The following CTNNA2 variants were observed in gnomAD, a reference collection of about 807,000 sequenced individuals.
CTNNA2 encodes the protein catenin alpha 2.
CTNNA2 carries 42 observed loss-of-function variants against 101.0 expected under a neutral mutation model. The observed-to-expected ratio is 0.42, with a 90% CI of 0.32 to 0.54. The LOEUF is 0.54. Ranked by LOEUF, CTNNA2 falls within the 20% of genes least tolerant of loss-of-function variation. The probability of loss-of-function intolerance (pLI) is 0.14; values close to 1 mark genes in which losing one functional copy is unlikely to be tolerated. For synonymous variants in CTNNA2, 450 were observed against 456.4 expected (o/e 0.99, Z 0.18); for missense variants, 871 against 1,223.1 (o/e 0.71, Z 4.29).
intron 4 of CTNNA2, among the ~76,000 whole-genome samples, chr2:79,390,773 C>A (rs1447756976): frequency 6.6e-6 from 1 of 152,090 alleles, no homozygotes; most frequent in Non-Finnish European, 1.5e-5. Context: ...TCCTTGTAAA[C>A]CATCAATAAT....
At chr2:79,648,295 G>A (rs1680969954) in intron 1 of CTNNA2, among the ~76,000 whole-genome samples, 1 of 152,148 alleles carries the variant, frequency 6.6e-6, no homozygotes, top group Admixed American at 6.5e-5. Context: ...TCTAGAGGAT[G>A]TTTGACTCAT....
chr2:79,753,525 C>A (rs1447719639), intron 3 of CTNNA2, among the ~76,000 whole-genome samples: 1 of 152,150 alleles, frequency 6.6e-6, no homozygotes, highest in Non-Finnish European at 1.5e-5. Flanking sequence ...GCTTATGTTT[C>A]CTGCCTTCGT....
In CTNNA2 at chr2:79,387,820, T is replaced by C. The variant is rs74888013; in HGVS notation, c.-135+13807T>C. On this transcript the variant is annotated intron_variant, in intron 4 of 21. Coordinates refer to the CTNNA2 transcript ENST00000466387. ...GAAGACTCTGGTCCTAGAAAAGAGC[T>C]GGACTGGTAAAATAACCATTGAGAA... 9.3e-3 allele frequency among the ~76,000 whole-genome samples: 1,420 copies of C among 152,288 alleles called. 25 individuals are homozygous for C. The highest frequency in any genetic ancestry group is 0.032 in the African/African-American group (1,346 of 41,572).
chr2:79,415,065 C>T (rs777539030), intron 4 of CTNNA2, among the ~76,000 whole-genome samples: 31 of 152,132 alleles, frequency 2.0e-4, no homozygotes, highest in Non-Finnish European at 3.8e-4. Flanking sequence ...GATGTGTGTC[C>T]TCTCCAAACC....
Position 80,385,961 on chromosome 2 carries a change from C to T in CTNNA2, c.1057-7250C>T, listed in dbSNP as rs1015904394. 3.9e-5 allele frequency among the ~76,000 whole-genome samples: 6 copies of T among 152,026 alleles called. No homozygotes were observed. The East Asian group carries it at 5.8e-4, about 15-fold the overall frequency. On this transcript the variant is annotated intron_variant, in intron 7 of 18. Coordinates refer to ENST00000402739, the MANE Select transcript of CTNNA2 (RefSeq NM_001282597.3). The stretch of plus-strand genomic sequence containing the variant: ...CCCACAGAGTCTTGGTTGGGAGTTA[C>T]GAGGGCTGCTACTGAAATAACATGG...
chr2:80,590,807 G>T (rs1424239734), intron 15 of CTNNA2, among the ~76,000 whole-genome samples: 2 of 151,946 alleles, frequency 1.3e-5, no homozygotes, highest in East Asian at 1.9e-4. Context: ...TTGTACATTT[G>T]GTTAGTCTTT....
chr2:80,594,108 A>G (rs1046163862), intron 15 of CTNNA2, among the ~76,000 whole-genome samples: 1 of 152,098 alleles, frequency 6.6e-6, no homozygotes. Context: ...CAAGTGTTCA[A>G]ATTTTTCCAC....
intron 4 of CTNNA2, among the ~76,000 whole-genome samples, chr2:79,464,875 G>A (rs1189369448): frequency 6.6e-6 from 1 of 151,776 alleles, no homozygotes; most frequent in Non-Finnish European, 1.5e-5. Context: ...TGTAGATTCT[G>A]GATAATAGCC....
intron 7 of CTNNA2, among the ~76,000 whole-genome samples, chr2:80,148,830 C>T (rs1474278689): frequency 2.6e-5 from 4 of 152,124 alleles, no homozygotes; most frequent in African/African-American, 9.7e-5. Flanking sequence ...AACCACTGGA[C>T]TCCTCTGTGC....
Position 80,593,040 on chromosome 2 carries a change from G to T in CTNNA2, c.2189+3555G>T, listed in dbSNP as rs184485757. ...ATGTCCTAAAGAGAGAAGGTTTCAA[G>T]AATCTATATAAGTAGAGATAATTAT... On this transcript the variant is annotated intron_variant, in intron 15 of 18. Transcript: ENST00000402739. Among the ~76,000 whole-genome samples, 382 of 152,234 alleles carry T rather than the reference G, an allele frequency of 2.5e-3. 1 individual carries two copies. Among genetic ancestry groups the T allele is most frequent in the Non-Finnish European group, 4.6e-3 (315 of 68,002 alleles).
At chr2:79,866,893 A>G (rs969304813) in intron 4 of CTNNA2, among the ~76,000 whole-genome samples, 1 of 152,230 alleles carries the variant, frequency 6.6e-6, no homozygotes, top group Admixed American at 6.5e-5. Flanking sequence ...TTTATTAATG[A>G]AGACGTGAGG....
intron 7 of CTNNA2, among the ~76,000 whole-genome samples, chr2:80,284,959 A>G (rs1674639652): frequency 6.6e-6 from 1 of 152,168 alleles, no homozygotes; most frequent in Non-Finnish European, 1.5e-5. Flanking sequence ...CTGCTCTGCT[A>G]TCTCACTTAG....
chr2:80,263,995 T>C lies in CTNNA2; in HGVS notation c.1057-129216T>C, dbSNP rs142436350. The stretch of plus-strand genomic sequence containing the variant: ...ACTGTATTTAAATTATCCACACTGG[T>C]TGCCTAATTACCACTTTAAGTCTTT... On this transcript the variant is annotated intron_variant, in intron 7 of 18. Transcript: ENST00000402739. Among the ~76,000 whole-genome samples, 43 of 152,330 alleles carry C rather than the reference T, an allele frequency of 2.8e-4. No individual in the cohort carries two copies. In the East Asian group the frequency reaches 7.5e-3, roughly 27 times the overall value.
chr2:80,127,497 A>G (rs1005862818), intron 7 of CTNNA2, among the ~76,000 whole-genome samples: 5 of 152,174 alleles, frequency 3.3e-5, no homozygotes, highest in Non-Finnish European at 7.4e-5. Flanking sequence ...GGAAATCTGT[A>G]TGGCCAGGTG....
At chr2:79,930,515 G>A (rs927814215) in intron 7 of CTNNA2, among the ~76,000 whole-genome samples, 1 of 152,030 alleles carries the variant, frequency 6.6e-6, no homozygotes, top group African/African-American at 2.4e-5. Flanking sequence ...AAACTTTTGC[G>A]AAATAAGGAT....
In CTNNA2 at chr2:79,855,455, G is replaced by A. The variant is rs115898892; in HGVS notation, c.299-2558G>A. On this transcript the variant is annotated intron_variant, in intron 3 of 18. Coordinates refer to ENST00000402739, the MANE Select transcript of CTNNA2 (RefSeq NM_001282597.3). The stretch of plus-strand genomic sequence containing the variant: ...GCCGCTAAGACAGATGGAAGGAGTC[G>A]TTCTAGGCCCTCCAGAGCCCCTCGT... Among the ~76,000 whole-genome samples the A allele has an allele frequency of 6.3e-3, 959 of 152,308 alleles. 11 individuals are homozygous for A. The highest frequency in any genetic ancestry group is 0.022 in the African/African-American group (897 of 41,570).
At chr2:80,357,282 T>TA (rs1327943232) in intron 7 of CTNNA2, among the ~76,000 whole-genome samples, 5 of 151,678 alleles carry the variant, frequency 3.3e-5, no homozygotes, top group African/African-American at 1.2e-4. Context: ...TATTTTTTAT[T>TA]TTTTTTTGGT....
At chr2:80,545,652 A>G (rs1254275153) in intron 10 of CTNNA2, among the ~76,000 whole-genome samples, 1 of 152,226 alleles carries the variant, frequency 6.6e-6, no homozygotes, top group Non-Finnish European at 1.5e-5. Context: ...TATCTGTGCT[A>G]AGTCATGAGA....
At chr2:79,992,249 C>A (rs755572942) in intron 7 of CTNNA2, among the ~76,000 whole-genome samples, 2 of 151,962 alleles carry the variant, frequency 1.3e-5, no homozygotes, top group Non-Finnish European at 2.9e-5. Flanking sequence ...AATTTAACAA[C>A]CTGGAATGGC....
Sources: gnomAD v4.1 joint callset for allele counts (sites outside exome capture counted in the v4.1 genomes callset) on GRCh38, gnomAD v4.1.1 for gene constraint, MANE v1.5 for transcripts, NCBI Gene and HGNC (gene_info 2026-07-23, HGNC 2026-07-21) for gene names.